ATXN7: variants seen among roughly 807,000 people sequenced by gnomAD.
The protein encoded by ATXN7 is ataxin 7.
A neutral mutation model predicts 70.5 loss-of-function variants in ATXN7; 12 were observed. The ratio of observed to expected loss-of-function variants is 0.17; its 90% confidence interval spans 0.11 to 0.28. The LOEUF is 0.28. Ranked by LOEUF, ATXN7 falls within the 10% of genes least tolerant of loss-of-function variation. The pLI is 1.00. For missense variants in ATXN7, 1,256 were observed against 1,131.7 expected (o/e 1.11, Z -1.58); for synonymous variants, 498 against 448.7 (o/e 1.11, Z -1.39).
intron 4 of ATXN7, among the ~76,000 whole-genome samples, chr3:63,915,528 G>A (rs1284758809): frequency 6.6e-6 from 1 of 152,138 alleles, no homozygotes; most frequent in Non-Finnish European, 1.5e-5. Context: ...AAACTTATTA[G>A]ACTATTATTC....
chr3:63,912,693 A>AGCAGCAGCG lies in ATXN7; in HGVS notation c.103_104insGGCAGCAGC (p.Gln34_Gln35insArgGlnGln), dbSNP rs1287589476. On this transcript the variant is annotated inframe_insertion, in exon 3 of 13. Transcript: ENST00000674280. ...GCGGCCGCGGCCGCCCGGCAGCAGC[A>AGCAGCAGCG]GCAGCAGCAGCAGCAGCAGCAGCCG... 8.9e-7 allele frequency: 1 copy of AGCAGCAGCG among 1,128,224 alleles called. No homozygotes were observed. Among genetic ancestry groups the AGCAGCAGCG allele is most frequent in the African/African-American group, 1.8e-5 (1 of 56,286 alleles). 69.9% of individuals were successfully genotyped at this position (1,128,224 alleles called of 1,614,324 possible). A position where few individuals can be genotyped will look rare whatever the true frequency, so the allele number is the denominator to read the frequency against.
chr3:63,955,935 G>A (rs1411807266), intron 5 of ATXN7, among the ~76,000 whole-genome samples: 6 of 152,160 alleles, frequency 3.9e-5, no homozygotes, highest in Non-Finnish European at 8.8e-5. Flanking sequence ...CAGTGTTGGT[G>A]GTAAAACTAT....
rs76379885 is a variant in ATXN7, at chr3:63,956,160, A to G, written c.499+3677A>G. Among the ~76,000 whole-genome samples the G allele has an allele frequency of 3.1e-3, 475 of 152,270 alleles. 3 individuals are homozygous for G. The highest frequency in any genetic ancestry group is 0.011 in the African/African-American group (456 of 41,560). On this transcript the variant is annotated intron_variant, in intron 5 of 12. Coordinates refer to ENST00000674280, the MANE Select transcript of ATXN7 (RefSeq NM_001377405.1). ...TTCTTGGAAACTACATAGTAATACC[A>G]TGATTTCTTGATGTTGTTTTAATGT...
At chr3:63,975,824 C>T (rs1231124311) in intron 5 of ATXN7, among the ~76,000 whole-genome samples, 1 of 152,186 alleles carries the variant, frequency 6.6e-6, no homozygotes, top group Non-Finnish European at 1.5e-5. Context: ...GAAAGAGCCC[C>T]ATGAAGCTCT....
intron 4 of ATXN7, among the ~76,000 whole-genome samples, chr3:63,946,459 G>A (rs893811547): frequency 2.6e-5 from 4 of 152,040 alleles, no homozygotes; most frequent in Non-Finnish European, 5.9e-5. Flanking sequence ...CTAAGACAGT[G>A]AAACCCGTTC....
intron 1 of ATXN7, among the ~76,000 whole-genome samples, chr3:63,865,736 A>T (rs1329295387): frequency 6.7e-6 from 1 of 149,834 alleles, no homozygotes; most frequent in Non-Finnish European, 1.5e-5. Context: ...CTAAAAAAAA[A>T]TACAAAAAAT....
Position 63,912,613 on chromosome 3 carries a change from C to A in ATXN7, c.15C>A (p.Ala5=), listed in dbSNP as rs1274790247. The A allele has an allele frequency of 2.6e-5, 28 of 1,091,646 alleles. No individual in the cohort carries two copies. Among genetic ancestry groups the A allele is most frequent in the Non-Finnish European group, 2.3e-6 (2 of 886,672 alleles). 67.6% of individuals were successfully genotyped at this position (1,091,646 alleles called of 1,614,324 possible). Residue 5 remains alanine, a synonymous_variant, in exon 3 of 13, where the codon GCC becomes GCA. Coordinates refer to ENST00000674280, the MANE Select transcript of ATXN7 (RefSeq NM_001377405.1). Reference sequence around the variant, plus strand: ...GAGCGGAAAGAATGTCGGAGCGGGCCGCGGATGACGTCAGGGGGGAGCCGC... The same window carrying A: ...GAGCGGAAAGAATGTCGGAGCGGGCAGCGGATGACGTCAGGGGGGAGCCGC... The part of the protein sequence containing the change: MSER[A]ADDVRGEPRR...
chr3:63,865,230 A>G (rs1003303041), intron 1 of ATXN7: 5 of 152,226 alleles, frequency 3.3e-5, no homozygotes, highest in African/African-American at 1.2e-4. Context: ...AGCAAGAAAT[A>G]TGTACAATTT....
chr3:63,942,427 T>C (rs1189713533), intron 4 of ATXN7, among the ~76,000 whole-genome samples: 1 of 152,200 alleles, frequency 6.6e-6, no homozygotes, highest in East Asian at 1.9e-4. Flanking sequence ...ACTCCATAAT[T>C]GTAAACTGTT....
At chr3:63,941,424 G>A (rs140769655) in intron 4 of ATXN7, among the ~76,000 whole-genome samples, 15 of 152,268 alleles carry the variant, frequency 9.9e-5, no homozygotes, top group South Asian at 2.1e-4. Context: ...TGAACTGCAC[G>A]TGCAAGGTAT....
chr3:63,981,461 T>C (rs902888018), intron 6 of ATXN7, among the ~76,000 whole-genome samples: 1 of 152,252 alleles, frequency 6.6e-6, no homozygotes, highest in African/African-American at 2.4e-5. Context: ...GGCCTTTAGA[T>C]AGGAACCAGG....
intron 5 of ATXN7, among the ~76,000 whole-genome samples, chr3:63,961,734 G>A (rs1293750485): frequency 6.6e-6 from 1 of 151,834 alleles, no homozygotes; most frequent in Admixed American, 6.6e-5. Context: ...TAAAAATTAA[G>A]TAAGAAATTA....
At chr3:63,955,170 A>G (rs2075020242) in intron 5 of ATXN7, among the ~76,000 whole-genome samples, 2 of 152,200 alleles carry the variant, frequency 1.3e-5, no homozygotes, top group South Asian at 2.1e-4. Flanking sequence ...ATTTACTCCA[A>G]GGTCTCCTGT....
At position 63,996,322 on chromosome 3, in the gene ATXN7, G is replaced by C. The variant is rs761467567; in HGVS notation, c.2500G>C (p.Gly834Arg). 1.9e-6 allele frequency: 3 copies of C among 1,614,126 alleles called. No individual in the cohort carries two copies. The Admixed American group carries it at 5.0e-5, about 27-fold the overall frequency. ...HSHTPLDKLI[G>R]KKRKCSPSSS... ...ACACACTCCTCTAGACAAACTCATA[G>C]GAAAGAAAAGAAAGTGCTCACCCAG... Residue 834 changes from glycine (G) to arginine (R), a missense_variant, in exon 12 of 13, where the codon GGA becomes CGA. Physicochemically the swap from Gly to Arg is moderately radical, Grantham distance 125. Coordinates refer to ENST00000674280, the MANE Select transcript of ATXN7 (RefSeq NM_001377405.1).
At chr3:63,920,728 C>T (rs1413373425) in intron 4 of ATXN7, among the ~76,000 whole-genome samples, 1 of 151,790 alleles carries the variant, frequency 6.6e-6, no homozygotes, top group East Asian at 1.9e-4. Context: ...AAGTAATGGG[C>T]TTTTTAAAAA....
chr3:63,986,947 T>C (rs2075587432), intron 8 of ATXN7, among the ~76,000 whole-genome samples: 2 of 152,204 alleles, frequency 1.3e-5, no homozygotes, highest in South Asian at 2.1e-4. Flanking sequence ...AATTCATTTA[T>C]GTTTATGGAT....
At chr3:63,928,315 A>G (rs1704797145) in intron 4 of ATXN7, among the ~76,000 whole-genome samples, 1 of 151,834 alleles carries the variant, frequency 6.6e-6, no homozygotes, top group Non-Finnish European at 1.5e-5. Flanking sequence ...ACAAACAAAA[A>G]AACAGCTACT....
At chr3:63,867,969 C>G (rs1299167624) in intron 1 of ATXN7, among the ~76,000 whole-genome samples, 1 of 152,228 alleles carries the variant, frequency 6.6e-6, no homozygotes, top group Non-Finnish European at 1.5e-5. Context: ...ATTCCCACAA[C>G]AAAGCATTGC....
chr3:63,955,483 G>A (rs2075024779), intron 5 of ATXN7, among the ~76,000 whole-genome samples: 1 of 152,168 alleles, frequency 6.6e-6, no homozygotes, highest in Non-Finnish European at 1.5e-5. Context: ...CCACTTACTT[G>A]GAGGGAAGGA....
Sources: gnomAD v4.1 joint callset for allele counts (sites outside exome capture counted in the v4.1 genomes callset) on GRCh38, gnomAD v4.1.1 for gene constraint, MANE v1.5 for transcripts, NCBI Gene and HGNC (gene_info 2026-07-23, HGNC 2026-07-21) for gene names.